COQ8A: variants seen among roughly 807,000 people sequenced by gnomAD.
COQ8A encodes atypical kinase COQ8A, mitochondrial.
In COQ8A, 51 loss-of-function variants were observed where a neutral mutation model predicts 65.0. The ratio of observed to expected loss-of-function variants is 0.78; its 90% CI spans 0.63 to 0.99. The LOEUF is 0.99. Among genes scored for constraint, COQ8A ranks in the 50% least tolerant of loss-of-function variants. COQ8A has a pLI of 0.00. For synonymous variants in COQ8A, 371 were observed against 353.2 expected, an observed-to-expected ratio of 1.05 and a Z score of -0.57; for missense variants, 940 against 875.0, an observed-to-expected ratio of 1.07 and a Z score of -0.94.
rs139805462 is a variant in COQ8A, at chr1:226,978,739, ACCT to A, written c.730+1220_730+1222del. On this transcript the variant is annotated intron_variant, in intron 5 of 14. Coordinates refer to ENST00000366777, the MANE Select transcript of COQ8A (RefSeq NM_020247.5). ...CCACACACCCACCTCATACCTGCAC[ACCT>A]CCTTACACACCCACCTCACACCCGC... 4.6e-3 allele frequency among the ~76,000 whole-genome samples: 299 copies of A among 65,152 alleles called. 48 individuals are homozygous for A. In the East Asian group the frequency reaches 0.055, roughly 12 times the overall value. The allele number at this position is 65,152 out of a possible 152,430, so 42.7% of individuals were successfully genotyped here. A position where few individuals can be genotyped will look rare whatever the true frequency, so the allele number is the denominator to read the frequency against.
chr1:226,983,405 C>T, intron 8 of COQ8A, 147 bp from the exon 9 acceptor site: 1 of 783,928 alleles, frequency 1.3e-6, no homozygotes, highest in Non-Finnish European at 2.2e-6. Flanking sequence ...GTCACGGCAG[C>T]ATGGCTGGGT....
chr1:226,954,922 T>C (rs982062898), intron 1 of COQ8A, among the ~76,000 whole-genome samples: 7 of 152,082 alleles, frequency 4.6e-5, no homozygotes, highest in Non-Finnish European at 1.0e-4. Flanking sequence ...GGAGGCATGT[T>C]GGGGAAGCCT....
rs567782503 is a variant in COQ8A at position 226,985,399 on chromosome 1, T to A, written c.1659+59T>A. ...CTGACCCAGGGCCCGGCTCCCTGTG[T>A]AAGAATGGATGAAAGCACAGGGGGC... On this transcript the variant is annotated intron_variant, in intron 14 of 14. Transcript: ENST00000366777. 8.3e-5 allele frequency: 131 copies of A among 1,579,700 alleles called. 1 individual carries two copies. In the South Asian group the frequency reaches 1.3e-3, roughly 16 times the overall value.
intron 11 of COQ8A, 25 bp downstream of exon 11, chr1:226,984,260 G>C: frequency 6.2e-7 from 1 of 1,612,526 alleles, no homozygotes; most frequent in Non-Finnish European, 8.5e-7. Context: ...GCAGACAGGT[G>C]GGGCCAGGGT....
At chr1:226,983,127 C>CGCAGGGCACCCTCTCTCCTG (rs1416641495) in intron 8 of COQ8A, 93 bp downstream of exon 8, 1 of 1,483,178 alleles carries the variant, frequency 6.7e-7, no homozygotes, top group Non-Finnish European at 9.0e-7. Context: ...CCCCACGTCC[C>CGCAGGGCACCCTCTCTCCTG]GCAGGGCACC....
rs571981520 is a variant in COQ8A, at chr1:226,977,875, C to T, written c.730+352C>T. 9.3e-5 allele frequency among the ~76,000 whole-genome samples: 14 copies of T among 150,520 alleles called. No individual in the cohort carries two copies. In the South Asian group the frequency reaches 2.1e-3, roughly 23 times the overall value. ...AACCCCTGCACACCCACCGAACACC[C>T]GCAGACCTTACCCCTTCCACACCCA... On this transcript the variant is annotated intron_variant, in intron 5 of 14. Coordinates refer to ENST00000366777, the MANE Select transcript of COQ8A (RefSeq NM_020247.5).
chr1:226,984,326 C>A (rs1453297717), intron 11 of COQ8A, 91 bp downstream of exon 11: 3 of 1,569,058 alleles, frequency 1.9e-6, no homozygotes, highest in East Asian at 2.3e-5. Flanking sequence ...GACTTGGAGC[C>A]CTGAGGTGCT....
intron 4 of COQ8A, among the ~76,000 whole-genome samples, chr1:226,967,498 T>C (rs1658638878): frequency 6.6e-6 from 1 of 152,152 alleles, no homozygotes; most frequent in Admixed American, 6.5e-5. Flanking sequence ...GTGGTCAGAA[T>C]GAAAGTCTTG....
At chr1:226,977,612 G>T in intron 5 of COQ8A, 89 bp downstream of exon 5, 3 of 1,420,108 alleles carry the variant, frequency 2.1e-6, no homozygotes, top group Non-Finnish European at 2.9e-6. Context: ...CTCTGGGAGT[G>T]TCAGCCAGCT....
rs1025747690 is a variant in COQ8A at position 226,947,794 on chromosome 1, C to CAA, written c.-10+7401_-10+7402dup. 3.3e-3 allele frequency among the ~76,000 whole-genome samples: 349 copies of CAA among 104,334 alleles called. 4 individuals are homozygous for CAA. The highest frequency in any genetic ancestry group is 0.013 in the African/African-American group (312 of 24,100). 68.4% of individuals were successfully genotyped at this position (104,334 alleles called of 152,430 possible). On this transcript the variant is annotated intron_variant, in intron 1 of 14. Transcript: ENST00000366777. ...CCTAGGCAACAGTAAGACCCTGTCT[C>CAA]AAAAAAATATATATATATATATATC...
rs1177971419 is a variant in COQ8A at position 226,987,128 on chromosome 1, T to C, written c.*391T>C. On this transcript the variant is annotated 3_prime_UTR_variant, in exon 15 of 15. Coordinates refer to ENST00000366777, the MANE Select transcript of COQ8A (RefSeq NM_020247.5). ...GAACAGATACGATTGTGGGATTTTA[T>C]CATCTGTGTAGTAGGTGTGTGTATG... The C allele has an allele frequency of 3.4e-6, 1 of 296,584 alleles. No homozygotes were observed. 18.4% of individuals were successfully genotyped at this position (296,584 alleles called of 1,614,324 possible).
rs975081029 is a variant in COQ8A at position 226,983,940 on chromosome 1, C to T, written c.1256+86C>T. ...CAGCAGCTGGTGAAGGCCCCTCCAG[C>T]TCTGAGGGGCAGAGGGCTGGGGTTG... On this transcript the variant is annotated intron_variant, in intron 10 of 14. Transcript: ENST00000366777. 70 of 1,547,808 alleles carry T rather than the reference C, an allele frequency of 4.5e-5. No individual in the cohort carries two copies. In the African/African-American group the frequency reaches 8.2e-4, roughly 18 times the overall value.
intron 1 of COQ8A, among the ~76,000 whole-genome samples, chr1:226,954,022 T>G (rs1657541912): frequency 6.6e-6 from 1 of 152,148 alleles, no homozygotes; most frequent in East Asian, 1.9e-4. Flanking sequence ...GGCTAGAAAT[T>G]GAGAATGTTC....
intron 4 of COQ8A, 60 bp downstream of exon 4, chr1:226,965,797 GC>G (rs1279617159): frequency 2.6e-6 from 4 of 1,563,356 alleles, no homozygotes; most frequent in Non-Finnish European, 3.5e-6. Context: ...CCACGCTGCG[GC>G]CTGCATGGAG....
rs1659682443 is a variant in COQ8A at position 226,981,450 on chromosome 1, C to T, written c.731-577C>T. On this transcript the variant is annotated intron_variant, in intron 5 of 14. Transcript: ENST00000366777. ...GCTGGCTGCACTGAGCTGCAGGGGGCCTCTGTGGGTGGACGGGAGAGACGG... is the reference window on the plus strand; with the variant it reads ...GCTGGCTGCACTGAGCTGCAGGGGGTCTCTGTGGGTGGACGGGAGAGACGG... Among the ~76,000 whole-genome samples, 4 of 152,256 alleles carry T rather than the reference C, an allele frequency of 2.6e-5. No individual in the cohort carries two copies. In the South Asian group the frequency reaches 8.3e-4, roughly 31 times the overall value.
At chr1:226,983,102 A>T (rs1039738362) in intron 8 of COQ8A, 68 bp downstream of exon 8, 20 of 1,531,004 alleles carry the variant, frequency 1.3e-5, no homozygotes, top group Admixed American at 4.0e-5. Context: ...GGCCTGGCTC[A>T]TGGAGGCCTC....
chr1:226,981,708 C>T (rs971669748), intron 5 of COQ8A, among the ~76,000 whole-genome samples: 20 of 152,332 alleles, frequency 1.3e-4, no homozygotes, highest in African/African-American at 4.3e-4. Context: ...CTTCCAGCCA[C>T]AGGCAGCACC....
At chr1:226,975,614 T>C (rs1332853046) in intron 4 of COQ8A, among the ~76,000 whole-genome samples, 2 of 152,222 alleles carry the variant, frequency 1.3e-5, no homozygotes, top group African/African-American at 2.4e-5. Flanking sequence ...GTAACAATTA[T>C]ATGTGTGGCT....
intron 1 of COQ8A, among the ~76,000 whole-genome samples, chr1:226,944,635 A>G (rs1381647631): frequency 7.2e-6 from 1 of 139,350 alleles, no homozygotes. Context: ...TGAGAGGGCC[A>G]GGGGTGGGGG....
Sources: allele counts gnomAD v4.1 joint callset (sites outside exome capture counted in the v4.1 genomes callset), GRCh38; gene constraint gnomAD v4.1.1; transcripts MANE v1.5; gene names NCBI Gene and HGNC (gene_info 2026-07-23, HGNC 2026-07-21).